ST6GALNAC5: variants seen among roughly 807,000 people sequenced by gnomAD.
ST6GALNAC5 encodes the protein alpha-N-acetylgalactosaminide alpha-2,6-sialyltransferase 5.
ST6GALNAC5 carries 27 observed loss-of-function variants against 33.6 expected under a neutral mutation model. The ratio of observed to expected loss-of-function variants is 0.80; its 90% CI spans 0.59 to 1.11. The LOEUF is 1.11. Ranked by LOEUF, ST6GALNAC5 falls within the 50% of genes least tolerant of loss-of-function variation. ST6GALNAC5 has a pLI of 0.00. For missense variants in ST6GALNAC5, 428 were observed against 454.0 expected (o/e 0.94, Z 0.52); for synonymous variants, 194 against 171.2 (o/e 1.13, Z -1.04).
At chr1:77,007,787 G>A (rs1166256483) in intron 2 of ST6GALNAC5, among the ~76,000 whole-genome samples, 1 of 152,224 alleles carries the variant, frequency 6.6e-6, no homozygotes, top group Non-Finnish European at 1.5e-5. Context: ...AAGGGCAAAA[G>A]CCACAATTAC....
chr1:76,938,202 T>G (rs202044999), intron 2 of ST6GALNAC5, among the ~76,000 whole-genome samples: 1 of 152,020 alleles, frequency 6.6e-6, no homozygotes, highest in Non-Finnish European at 1.5e-5. Context: ...AGAAAAGTTT[T>G]TGCATGGTGT....
intron 2 of ST6GALNAC5, among the ~76,000 whole-genome samples, chr1:76,991,839 G>GCACACACACACACACA (rs4032991): frequency 3.3e-5 from 5 of 149,352 alleles, no homozygotes; most frequent in Non-Finnish European, 6.0e-5. Flanking sequence ...ACGCGTGTGC[G>GCACACACACACACACA]CACACACACA....
At chr1:77,010,264 G>A (rs1224670368) in intron 2 of ST6GALNAC5, among the ~76,000 whole-genome samples, 1 of 152,180 alleles carries the variant, frequency 6.6e-6, no homozygotes, top group African/African-American at 2.4e-5. Flanking sequence ...GGAGGCCGAG[G>A]CGGGCAGATT....
chr1:76,868,787 C>G lies in ST6GALNAC5; in HGVS notation c.261+45C>G. ...CCCGCTCGCCACTCAGCCTGGGGATCCCGCACACCTGAGCCTTCCCCCTTT... is the reference window on the plus strand; with the variant it reads ...CCCGCTCGCCACTCAGCCTGGGGATGCCGCACACCTGAGCCTTCCCCCTTT... On this transcript the variant is annotated intron_variant, in intron 2 of 4. Coordinates refer to ENST00000477717, the MANE Select transcript of ST6GALNAC5 (RefSeq NM_030965.3). The surrounding 1 kb of genome is among the most constrained non-coding windows in gnomAD (Gnocchi z 4.3). The G allele has an allele frequency of 6.9e-7, 1 of 1,454,704 alleles. No individual in the cohort carries two copies. Among genetic ancestry groups the G allele is most frequent in the Non-Finnish European group, 9.0e-7 (1 of 1,110,068 alleles). The allele number at this position is 1,454,704 out of a possible 1,614,324, so 90.1% of individuals were successfully genotyped here. A position where few individuals can be genotyped will look rare whatever the true frequency, so the allele number is the denominator to read the frequency against.
At position 77,044,232 on chromosome 1, in the gene ST6GALNAC5, C is replaced by A; in HGVS notation, c.290C>A (p.Ala97Asp). 1 of 1,612,052 alleles carries A rather than the reference C, an allele frequency of 6.2e-7. No homozygotes were observed. Among genetic ancestry groups the A allele is most frequent in the African/African-American group, 1.3e-5 (1 of 75,016 alleles). ...CTGAAAATGCACTGCAGGGACTGTG[C>A]CCTGGTGACCAGCTCAGGGCATCTG... Reference protein sequence around the residue: ...KPLKMHCRDCALVTSSGHLLH... With the variant: ...KPLKMHCRDCDLVTSSGHLLH... Residue 97 changes from alanine to aspartate, a missense_variant, in exon 3 of 5, where the codon GCC becomes GAC. Transcript: ENST00000477717.
At chr1:77,014,715 A>G (rs530928073) in intron 2 of ST6GALNAC5, among the ~76,000 whole-genome samples, 15 of 152,288 alleles carry the variant, frequency 9.8e-5, no homozygotes, top group African/African-American at 3.6e-4. Flanking sequence ...TCCCAAGCCA[A>G]CTGGCCTTTT....
At chr1:77,001,772 G>GT (rs2100410690) in intron 2 of ST6GALNAC5, among the ~76,000 whole-genome samples, 1 of 149,136 alleles carries the variant, frequency 6.7e-6, no homozygotes, top group Non-Finnish European at 1.5e-5. Context: ...CTTTGGCTCT[G>GT]TTTATATGCT....
intron 2 of ST6GALNAC5, among the ~76,000 whole-genome samples, chr1:76,981,436 A>G (rs928979030): frequency 5.3e-5 from 8 of 152,096 alleles, no homozygotes; most frequent in Non-Finnish European, 1.0e-4. Flanking sequence ...TGGCTGGGGG[A>G]GGGGCATCCA....
chr1:76,953,559 T>C (rs546726958), intron 2 of ST6GALNAC5, among the ~76,000 whole-genome samples: 67 of 152,280 alleles, frequency 4.4e-4, no homozygotes, highest in Admixed American at 1.4e-3. Flanking sequence ...GAGTTCTTTA[T>C]ATATTCGAGA....
At chr1:76,878,761 C>T (rs1198196079) in intron 2 of ST6GALNAC5, among the ~76,000 whole-genome samples, 2 of 152,132 alleles carry the variant, frequency 1.3e-5, no homozygotes, top group East Asian at 3.9e-4. Context: ...GTCCATTTGA[C>T]TTCGAAGTTT....
At chr1:76,966,836 C>A (rs1648510710) in intron 2 of ST6GALNAC5, among the ~76,000 whole-genome samples, 2 of 152,186 alleles carry the variant, frequency 1.3e-5, no homozygotes, top group Admixed American at 1.3e-4. Context: ...AAGGCCTTTT[C>A]TGCATCTATT....
At chr1:76,949,736 T>G (rs571302700) in intron 2 of ST6GALNAC5, among the ~76,000 whole-genome samples, 4 of 152,226 alleles carry the variant, frequency 2.6e-5, no homozygotes, top group Non-Finnish European at 5.9e-5. Context: ...CCACAGTGAC[T>G]CACCAGGAGA....
At chr1:76,942,415 T>C (rs1222577243) in intron 2 of ST6GALNAC5, among the ~76,000 whole-genome samples, 2 of 152,158 alleles carry the variant, frequency 1.3e-5, no homozygotes, top group African/African-American at 4.8e-5. Context: ...ATCAGTCACC[T>C]AAAATGTTAC....
rs1372230692 is a variant in ST6GALNAC5, at chr1:76,868,949, G to C, written c.261+207G>C. 2.4e-6 allele frequency: 2 copies of C among 828,766 alleles called. No homozygotes were observed. The highest frequency in any genetic ancestry group is 3.1e-5 in the East Asian group (1 of 31,904). The allele number at this position is 828,766 out of a possible 1,614,324, so 51.3% of individuals were successfully genotyped here. On this transcript the variant is annotated intron_variant, in intron 2 of 4. Transcript: ENST00000477717. This position sits in a 1 kb window ranked among gnomAD's most constrained non-coding sequence, Gnocchi z 4.3. The stretch of plus-strand genomic sequence containing the variant: ...AGACACAAAGTTTTGTAGAAAATAG[G>C]GGTGAGGTGCGTGGACCCCAAAGCC...
At chr1:77,017,923 T>G (rs1316871992) in intron 2 of ST6GALNAC5, among the ~76,000 whole-genome samples, 1 of 152,148 alleles carries the variant, frequency 6.6e-6, no homozygotes, top group Non-Finnish European at 1.5e-5. Context: ...GACAAGGGCT[T>G]CATTAGCCCT....
At chr1:77,048,399 C>G (rs1270207762) in intron 3 of ST6GALNAC5, among the ~76,000 whole-genome samples, 3 of 152,228 alleles carry the variant, frequency 2.0e-5, no homozygotes, top group Non-Finnish European at 4.4e-5. Flanking sequence ...AGGTCTAGAA[C>G]ACATGGCCAG....
chr1:76,894,237 G>A lies in ST6GALNAC5; in HGVS notation c.261+25495G>A, dbSNP rs941627610. On this transcript the variant is annotated intron_variant, in intron 2 of 4. Coordinates refer to ENST00000477717, the MANE Select transcript of ST6GALNAC5 (RefSeq NM_030965.3). ...GGAACTGAATCATCATAAAATTTTTGAAATTTGCCTTGAATCTACTTTGGA... is the reference window on the plus strand; with the variant it reads ...GGAACTGAATCATCATAAAATTTTTAAAATTTGCCTTGAATCTACTTTGGA... Among the ~76,000 whole-genome samples, 16 of 152,256 alleles carry A rather than the reference G, an allele frequency of 1.1e-4. No homozygotes were observed. The East Asian group carries it at 1.3e-3, about 13-fold the overall frequency.
At chr1:76,934,956 TCTG>T (rs940114663) in intron 2 of ST6GALNAC5, among the ~76,000 whole-genome samples, 1 of 152,138 alleles carries the variant, frequency 6.6e-6, no homozygotes, top group African/African-American at 2.4e-5. Flanking sequence ...TTCATGTCAT[TCTG>T]CTATTGATTG....
intron 2 of ST6GALNAC5, among the ~76,000 whole-genome samples, chr1:76,933,824 T>C (rs1647169478): frequency 7.0e-6 from 1 of 142,768 alleles, no homozygotes; most frequent in Non-Finnish European, 1.5e-5. Flanking sequence ...AGGAGCCTCA[T>C]AGATGAGGAA....
Sources: gnomAD v4.1 joint callset for allele counts (sites outside exome capture counted in the v4.1 genomes callset) on GRCh38, gnomAD v4.1.1 for gene constraint, Gnocchi (gnomAD v3.1) non-coding constraint, MANE v1.5 for transcripts, NCBI Gene and HGNC (gene_info 2026-07-23, HGNC 2026-07-21) for gene names.